The following NACC1 variants were observed in gnomAD, a reference collection of about 807,000 sequenced individuals.
NACC1 encodes the protein nucleus accumbens associated 1, also known as nucleus accumbens-associated protein 1.
In NACC1, 6 loss-of-function variants were observed where a neutral mutation model predicts 41.7. The ratio of observed to expected loss-of-function variants is 0.14; its 90% CI spans 0.08 to 0.28. The LOEUF is 0.28. NACC1 is among the 10% of genes least tolerant of loss of function. The probability of loss-of-function intolerance (pLI) is 1.00; values close to 1 mark genes in which losing one functional copy is unlikely to be tolerated. For missense variants in NACC1, 434 were observed against 763.7 expected (o/e 0.57, Z 5.09); for synonymous variants, 338 against 330.6 (o/e 1.02, Z -0.24).
chr19:13,119,596 G>A (rs919954876), intron 1 of NACC1, among the ~76,000 whole-genome samples: 1 of 152,152 alleles, frequency 6.6e-6, no homozygotes, highest in Non-Finnish European at 1.5e-5. Flanking sequence ...TTAGTACCAT[G>A]GCCTCCCAGG....
intron 1 of NACC1, among the ~76,000 whole-genome samples, chr19:13,124,419 C>G (rs1191372828): frequency 1.3e-5 from 2 of 151,864 alleles, no homozygotes; most frequent in Non-Finnish European, 2.9e-5. Flanking sequence ...AAAAAAAATA[C>G]TGATGCAAGA....
chr19:13,135,679 A>G lies in NACC1; in HGVS notation c.472A>G (p.Thr158Ala). 1 of 1,554,070 alleles carries G rather than the reference A, an allele frequency of 6.4e-7. No individual in the cohort carries two copies. The highest frequency in any genetic ancestry group is 1.2e-5 in the South Asian group (1 of 85,186). Residue 158 changes from threonine to alanine, a missense_variant, in exon 2 of 6, where the codon ACC (threonine) becomes GCC (alanine). Coordinates refer to ENST00000292431, the MANE Select transcript of NACC1 (RefSeq NM_052876.4). ...AQTSGWPACSTPLPLVSRVKT... is the reference protein window; with the variant it reads ...AQTSGWPACSAPLPLVSRVKT... ...GACATCGGGCTGGCCAGCCTGTAGC[A>G]CCCCGCTGCCCCTCGTGTCGCGGGT...
chr19:13,119,848 A>G (rs2019466720), intron 1 of NACC1, among the ~76,000 whole-genome samples: 1 of 152,098 alleles, frequency 6.6e-6, no homozygotes, highest in African/African-American at 2.4e-5. Context: ...GAGCTCATTG[A>G]TGGCTCACCA....
rs570409809 is a variant in NACC1, at chr19:13,136,890, C to T, written c.1121-381C>T. ...AAGAAGAAGAAGACTGTGTTTGGTCCTTGGGTCAGAGTGCCTAGGTGTGAG... is the reference window on the plus strand; with the variant it reads ...AAGAAGAAGAAGACTGTGTTTGGTCTTTGGGTCAGAGTGCCTAGGTGTGAG... On this transcript the variant is annotated intron_variant, in intron 3 of 5. Coordinates refer to ENST00000292431, the MANE Select transcript of NACC1 (RefSeq NM_052876.4). This position sits in a 1 kb window ranked among gnomAD's most constrained non-coding sequence, Gnocchi z 5.5. Among the ~76,000 whole-genome samples, 1 of 152,296 alleles carries T rather than the reference C, an allele frequency of 6.6e-6. No homozygotes were observed. The highest frequency in any genetic ancestry group is 6.5e-5 in the Admixed American group (1 of 15,302).
chr19:13,118,202 G>C (rs1277206273), upstream of NACC1: 1 of 151,086 alleles, frequency 6.6e-6, no homozygotes, highest in East Asian at 1.9e-4. Context: ...GTGCGCGGGC[G>C]GGGCCGGGGC....
At chr19:13,121,715 G>C (rs73507394) in intron 1 of NACC1, among the ~76,000 whole-genome samples, 143 of 152,278 alleles carry the variant, frequency 9.4e-4, no homozygotes, top group African/African-American at 3.3e-3. Context: ...TTGGGATGGT[G>C]GTGAGCCACC....
In NACC1 at chr19:13,135,609, T is replaced by G. The variant is rs1018544789; in HGVS notation, c.402T>G (p.His134Gln). 2.5e-6 allele frequency: 4 copies of G among 1,587,600 alleles called. No homozygotes were observed. The South Asian group carries it at 4.5e-5, about 18-fold the overall frequency. ...CGAGCTGCGACTCCCAGGGCCTGCA[T>G]GCGGAGGAGGCCCCATCGTCGGAGC... ...SSPSCDSQGL[H>Q]AEEAPSSEPQ... Residue 134 changes from histidine (H) to glutamine (Q), a missense_variant, in exon 2 of 6, where the codon CAT (histidine) becomes CAG (glutamine). Physicochemically the swap from His to Gln is conservative, Grantham distance 24 (BLOSUM62 0). Around this residue, in one of 4 missense-constraint regions of NACC1, gnomAD observed 234 missense variants for 308.3 expected, o/e 0.76. Coordinates refer to ENST00000292431, the MANE Select transcript of NACC1 (RefSeq NM_052876.4).
At chr19:13,127,932 C>A (rs945497967) in intron 1 of NACC1, among the ~76,000 whole-genome samples, 5 of 152,078 alleles carry the variant, frequency 3.3e-5, no homozygotes, top group African/African-American at 9.7e-5. Flanking sequence ...TCTAGTAGGT[C>A]CGAGAGCAAG....
Position 13,135,357 on chromosome 19 carries a change from C to T in NACC1, c.150C>T (p.Ala50=), listed in dbSNP as rs2019686846. Reference sequence around the variant, plus strand: ...AGGCCCACCGGGCCGTGCTTGCTGCCAGCAGCTCCTACTTCCGGGACCTGT... The same window carrying T: ...AGGCCCACCGGGCCGTGCTTGCTGCTAGCAGCTCCTACTTCCGGGACCTGT... ...AFKAHRAVLA[A]SSSYFRDLFN... The change falls in exon 2 of 6, where the codon GCC becomes GCT. Residue 50 remains alanine (A), a synonymous_variant. Coordinates refer to ENST00000292431, the MANE Select transcript of NACC1 (RefSeq NM_052876.4). 2 of 1,613,698 alleles carry T rather than the reference C, an allele frequency of 1.2e-6. No individual in the cohort carries two copies. Among genetic ancestry groups the T allele is most frequent in the East Asian group, 4.5e-5 (2 of 44,894 alleles).
intron 1 of NACC1, among the ~76,000 whole-genome samples, chr19:13,126,844 C>T (rs1568383167): frequency 1.3e-5 from 2 of 152,026 alleles, no homozygotes; most frequent in Non-Finnish European, 2.9e-5. Flanking sequence ...CTGTGAGCAC[C>T]CACTGTGTAC....
chr19:13,137,258 T>C lies in NACC1; in HGVS notation c.1121-13T>C. 6.2e-7 allele frequency: 1 copy of C among 1,611,632 alleles called. No homozygotes were observed. The highest frequency in any genetic ancestry group is 1.1e-5 in the South Asian group (1 of 91,062). On this transcript the variant is annotated splice_polypyrimidine_tract_variant and intron_variant, in intron 3 of 5. Coordinates refer to ENST00000292431, the MANE Select transcript of NACC1 (RefSeq NM_052876.4). The surrounding 1 kb of genome is among the most constrained non-coding windows in gnomAD (Gnocchi z 6.1). ...GGGGCACCCCAGGCCATCCTCCGGC[T>C]TCCTCTCACCAGGCACCAACGTGTA...
intron 1 of NACC1, among the ~76,000 whole-genome samples, chr19:13,123,338 C>CGTCCTCA (rs2019523059): frequency 1.3e-5 from 2 of 152,158 alleles, no homozygotes; most frequent in Non-Finnish European, 2.9e-5. Flanking sequence ...AGCGGGCAGG[C>CGTCCTCA]TGCGAGCTCC....
At chr19:13,123,897 C>G (rs1411656801) in intron 1 of NACC1, among the ~76,000 whole-genome samples, 1 of 152,154 alleles carries the variant, frequency 6.6e-6, no homozygotes, top group African/African-American at 2.4e-5. Flanking sequence ...GGGCCTCATT[C>G]CCATCCATGA....
chr19:13,137,684 C>T lies in NACC1; in HGVS notation c.1324+109C>T. On this transcript the variant is annotated intron_variant, in intron 5 of 5. Transcript: ENST00000292431. This position sits in a 1 kb window ranked among gnomAD's most constrained non-coding sequence, Gnocchi z 6.1. ...CTAGAGTTCAGTGTTGAGAAGCATT[C>T]TGGGGCTCATTCTAGCCTTGCTGGG... The T allele has an allele frequency of 1.1e-6, 1 of 884,132 alleles. No homozygotes were observed. The highest frequency in any genetic ancestry group is 1.7e-6 in the Non-Finnish European group (1 of 584,944). The allele number at this position is 884,132 out of a possible 1,614,324, so 54.8% of individuals were successfully genotyped here.
chr19:13,121,910 TC>T (rs1418834392), intron 1 of NACC1, among the ~76,000 whole-genome samples: 3 of 152,224 alleles, frequency 2.0e-5, no homozygotes, highest in South Asian at 4.1e-4. Context: ...CCCTAGTCCT[TC>T]CTTCACACAA....
rs1158722568 is a variant in NACC1, at chr19:13,136,502, A to C, written c.1120+97A>C. On this transcript the variant is annotated intron_variant, in intron 3 of 5. Transcript: ENST00000292431. This position sits in a 1 kb window ranked among gnomAD's most constrained non-coding sequence, Gnocchi z 5.5. ...GCTGGTTAGGAGCCCCCAGCACCTC[A>C]GTTTCCCTATCTGTGCTGTAGTGTT... 3.6e-6 allele frequency: 5 copies of C among 1,393,454 alleles called. No individual in the cohort carries two copies. Among genetic ancestry groups the C allele is most frequent in the Non-Finnish European group, 4.8e-6 (5 of 1,040,070 alleles). The allele number at this position is 1,393,454 out of a possible 1,614,324, so 86.3% of individuals were successfully genotyped here.
chr19:13,125,570 G>A (rs376208117), intron 1 of NACC1, among the ~76,000 whole-genome samples: 1 of 151,442 alleles, frequency 6.6e-6, no homozygotes, highest in East Asian at 1.9e-4. Flanking sequence ...ACAGGCATGT[G>A]TCAGCATGCC....
chr19:13,140,852 C>G lies in NACC1; in HGVS notation c.*2446C>G. The G allele has an allele frequency of 6.6e-6, 1 of 152,664 alleles. No homozygotes were observed. The highest frequency in any genetic ancestry group is 1.9e-4 in the East Asian group (1 of 5,198). The allele number at this position is 152,664 out of a possible 1,614,324, so 9.5% of individuals were successfully genotyped here. On this transcript the variant is annotated 3_prime_UTR_variant, in exon 6 of 6. Coordinates refer to ENST00000292431, the MANE Select transcript of NACC1 (RefSeq NM_052876.4). The surrounding 1 kb of genome is among the most constrained non-coding windows in gnomAD (Gnocchi z 4.0). The stretch of plus-strand genomic sequence containing the variant: ...CCACCCTGGGCAGCCAGGAAGGAAT[C>G]TGAATGGAGAATCACCAACCACCAG...
intron 1 of NACC1, among the ~76,000 whole-genome samples, chr19:13,123,934 CAG>C (rs1401508674): frequency 6.6e-6 from 1 of 152,160 alleles, no homozygotes; most frequent in Non-Finnish European, 1.5e-5. Flanking sequence ...ATTTCTTCCT[CAG>C]AAACTGTAAA....
Sources: allele counts gnomAD v4.1 joint callset (sites outside exome capture counted in the v4.1 genomes callset), GRCh38; gene constraint gnomAD v4.1.1; regional missense constraint gnomAD v4.1.1; non-coding constraint Gnocchi (gnomAD v3.1); transcripts MANE v1.5; gene names NCBI Gene and HGNC (gene_info 2026-07-23, HGNC 2026-07-21).